Variants in SRBD1 observed in about 807,000 individuals in gnomAD.
SRBD1 encodes S1 RNA binding domain 1.
Under a neutral mutation model 115.3 loss-of-function variants are expected in SRBD1, and 88 were observed. The ratio of observed to expected loss-of-function variants is 0.76; its 90% confidence interval spans 0.64 to 0.91. The LOEUF is 0.91. Ranked by LOEUF, SRBD1 falls within the 40% of genes least tolerant of loss-of-function variation. SRBD1 has a pLI of 0.00. For synonymous variants in SRBD1, 509 were observed against 407.7 expected (o/e 1.25, Z -2.99); for missense variants, 1,385 against 1,177.4 (o/e 1.18, Z -2.58).
intron 14 of SRBD1, among the ~76,000 whole-genome samples, chr2:45,545,009 G>A (rs147296681): frequency 0.01 from 1,587 of 152,058 alleles, 11 homozygotes; most frequent in Non-Finnish European, 0.013. Flanking sequence ...GGCCGGGCGC[G>A]GTGGCTCATG....
At chr2:45,472,975 G>C (rs1669695938) in intron 16 of SRBD1, among the ~76,000 whole-genome samples, 1 of 149,962 alleles carries the variant, frequency 6.7e-6, no homozygotes, top group African/African-American at 2.4e-5. Flanking sequence ...TTCTTTAGGA[G>C]TGTCTCTTGC....
At chr2:45,558,091 A>G (rs1432409918) in intron 10 of SRBD1, among the ~76,000 whole-genome samples, 2 of 152,280 alleles carry the variant, frequency 1.3e-5, no homozygotes, top group Middle Eastern at 3.4e-3. Context: ...AACCTACTAC[A>G]TGAAAAACAG....
At chr2:45,418,688 CAAAA>C (rs537420049) in intron 17 of SRBD1, 147 bp from the exon 18 acceptor site, 1 of 329,010 alleles carries the variant, frequency 3.0e-6, no homozygotes, top group Non-Finnish European at 4.7e-6. Context: ...AAAAAAAAAA[CAAAA>C]AAAAAACGGA....
At chr2:45,439,199 A>T (rs897169707) in intron 16 of SRBD1, among the ~76,000 whole-genome samples, 8 of 152,152 alleles carry the variant, frequency 5.3e-5, no homozygotes, top group African/African-American at 1.9e-4. Context: ...TTGCCAGCAG[A>T]CCTACACTAC....
intron 16 of SRBD1, among the ~76,000 whole-genome samples, chr2:45,452,600 T>C (rs1669028674): frequency 6.6e-6 from 1 of 152,036 alleles, no homozygotes; most frequent in African/African-American, 2.4e-5. Context: ...TACATTTATA[T>C]GTGTTTCTAA....
chr2:45,437,042 G>C (rs761958599), intron 16 of SRBD1, among the ~76,000 whole-genome samples: 2 of 152,076 alleles, frequency 1.3e-5, no homozygotes, highest in East Asian at 3.9e-4. Flanking sequence ...AAAGCTTAAA[G>C]TATAAATCTA....
chr2:45,462,045 A>C (rs1669332296), intron 16 of SRBD1, among the ~76,000 whole-genome samples: 1 of 152,214 alleles, frequency 6.6e-6, no homozygotes, highest in Admixed American at 6.5e-5. Flanking sequence ...GTACAAAAAC[A>C]TTACAGGAAA....
chr2:45,606,327 T>C (rs1271329085), intron 1 of SRBD1, among the ~76,000 whole-genome samples: 1 of 152,100 alleles, frequency 6.6e-6, no homozygotes, highest in East Asian at 1.9e-4. Context: ...ACCCGGCTAA[T>C]TTTGTATTTT....
chr2:45,543,072 C>T (rs963126802), intron 14 of SRBD1, among the ~76,000 whole-genome samples: 1 of 152,220 alleles, frequency 6.6e-6, no homozygotes, highest in Admixed American at 6.5e-5. Context: ...CTAGCATATA[C>T]TTTAAACAAA....
intron 14 of SRBD1, among the ~76,000 whole-genome samples, chr2:45,525,857 G>A (rs1315242782): frequency 6.6e-6 from 1 of 151,932 alleles, no homozygotes; most frequent in Non-Finnish European, 1.5e-5. Flanking sequence ...TTGCCAATAA[G>A]CATATGAAGA....
chr2:45,588,509 G>A (rs1673617161), intron 4 of SRBD1, among the ~76,000 whole-genome samples: 1 of 152,068 alleles, frequency 6.6e-6, no homozygotes, highest in African/African-American at 2.4e-5. Context: ...TCCACATCAT[G>A]TCATCTACCA....
At chr2:45,517,432 C>A (rs921130486) in intron 14 of SRBD1, among the ~76,000 whole-genome samples, 4 of 152,100 alleles carry the variant, frequency 2.6e-5, no homozygotes, top group Non-Finnish European at 5.9e-5. Context: ...TACAGCAGAG[C>A]AACTAAAAGC....
intron 16 of SRBD1, among the ~76,000 whole-genome samples, chr2:45,453,179 C>G (rs1191139256): frequency 6.7e-6 from 1 of 150,286 alleles, no homozygotes; most frequent in Admixed American, 6.7e-5. Context: ...TTGAGTTAGA[C>G]TTCCTGAAAA....
intron 19 of SRBD1, among the ~76,000 whole-genome samples, chr2:45,407,326 T>G (rs1222548551): frequency 1.3e-5 from 2 of 152,170 alleles, no homozygotes; most frequent in East Asian, 3.8e-4. Flanking sequence ...AATGCCTCTT[T>G]CTACAGAATG....
intron 1 of SRBD1, among the ~76,000 whole-genome samples, chr2:45,608,471 A>G (rs1033781512): frequency 2.0e-5 from 3 of 152,096 alleles, no homozygotes; most frequent in Non-Finnish European, 4.4e-5. Context: ...AAACACCAAT[A>G]TTCTTGAGGC....
At chr2:45,510,543 A>G (rs752895129) in intron 14 of SRBD1, among the ~76,000 whole-genome samples, 1 of 152,228 alleles carries the variant, frequency 6.6e-6, no homozygotes, top group Non-Finnish European at 1.5e-5. Context: ...AGCAGCTTGA[A>G]CTATCACATT....
At chr2:45,498,956 T>C (rs1670545059) in intron 14 of SRBD1, among the ~76,000 whole-genome samples, 1 of 152,212 alleles carries the variant, frequency 6.6e-6, no homozygotes, top group Admixed American at 6.5e-5. Context: ...GCAATAAACA[T>C]GGGAGTACGA....
intron 16 of SRBD1, among the ~76,000 whole-genome samples, chr2:45,427,795 C>G (rs1250677893): frequency 1.3e-5 from 2 of 152,158 alleles, no homozygotes; most frequent in South Asian, 2.1e-4. Flanking sequence ...CTCTGGGATG[C>G]AAGCCTGGTT....
At chr2:45,414,514 CATAGTGTGTAT>C (rs1667709335) in intron 18 of SRBD1, among the ~76,000 whole-genome samples, 1 of 149,458 alleles carries the variant, frequency 6.7e-6, no homozygotes, top group Non-Finnish European at 1.5e-5. Context: ...TGTGTACACA[CATAGTGTGTAT>C]ATAGTGTGTG....
Sources: allele counts gnomAD v4.1 joint callset (sites outside exome capture counted in the v4.1 genomes callset), GRCh38; gene constraint gnomAD v4.1.1; transcripts MANE v1.5; gene names NCBI Gene and HGNC (gene_info 2026-07-23, HGNC 2026-07-21).